Variants in SPRR2B observed in about 807,000 individuals in gnomAD.
The protein encoded by SPRR2B is small proline rich protein 2B, also known as small proline-rich protein 2B.
Under a neutral mutation model 1.0 loss-of-function variants are expected in SPRR2B, and 1 was observed. That is an observed-to-expected ratio of 1.01 (90% CI 0.36 to 4.77). The LOEUF is 4.77. Among genes scored for constraint, SPRR2B ranks in the 30% most tolerant of loss-of-function variants. The probability of loss-of-function intolerance (pLI) is 0.16; values close to 1 mark genes in which losing one functional copy is unlikely to be tolerated. For missense variants in SPRR2B, 53 were observed against 88.7 expected (o/e 0.60, Z 1.62); for synonymous variants, 27 against 33.4 (o/e 0.81, Z 0.66).
the SPRR2B span, among the ~76,000 whole-genome samples, chr1:153,082,048 A>G: frequency 1.3e-4 from 20 of 152,110 alleles, no homozygotes; most frequent in Non-Finnish European, 2.6e-4. Flanking sequence ...CAGGCTGGAT[A>G]TGAGTCAACT....
the SPRR2B span, among the ~76,000 whole-genome samples, chr1:153,083,042 T>A: frequency 6.6e-6 from 1 of 152,102 alleles, no homozygotes; most frequent in Non-Finnish European, 1.5e-5. Context: ...TTTACAGAAA[T>A]AAAAAAATTT....
chr1:153,075,067 C>T (rs534304500), upstream of SPRR2B, among the ~76,000 whole-genome samples: 104 of 152,256 alleles, frequency 6.8e-4, no homozygotes, highest in Non-Finnish European at 1.1e-3. Context: ...TTCACCAGGC[C>T]GGGAACGGTG....
the SPRR2B span, among the ~76,000 whole-genome samples, chr1:153,087,188 G>A: frequency 1.3e-5 from 2 of 152,188 alleles, no homozygotes; most frequent in South Asian, 4.1e-4. Context: ...GCTAAGGCAG[G>A]AGAATTGCTT....
chr1:153,078,396 G>T, the SPRR2B span, among the ~76,000 whole-genome samples: 2 of 152,140 alleles, frequency 1.3e-5, no homozygotes, highest in Non-Finnish European at 2.9e-5. Flanking sequence ...AAGTTTTAGG[G>T]TACATGTGCA....
chr1:153,085,285 A>G, the SPRR2B span, among the ~76,000 whole-genome samples: 1 of 152,188 alleles, frequency 6.6e-6, no homozygotes, highest in African/African-American at 2.4e-5. Context: ...TCACAATAAA[A>G]CAACACAGGA....
the SPRR2B span, among the ~76,000 whole-genome samples, chr1:153,078,354 G>A: frequency 6.9e-6 from 1 of 145,258 alleles, no homozygotes; most frequent in African/African-American, 2.5e-5. Flanking sequence ...TTTCTTTTAA[G>A]GAGCTTACTT....
At chr1:153,080,990 A>G in the SPRR2B span, among the ~76,000 whole-genome samples, 48 of 152,356 alleles carry the variant, frequency 3.2e-4, no homozygotes, top group African/African-American at 1.0e-3. Flanking sequence ...TCACAAAGAC[A>G]TGGTTGAATT....
At chr1:153,076,598 G>A (rs541293709), upstream of SPRR2B, among the ~76,000 whole-genome samples, 1 of 152,198 alleles carries the variant, frequency 6.6e-6, no homozygotes, top group African/African-American at 2.4e-5. Flanking sequence ...TTTGAGAAAG[G>A]TTAAATAAAG....
At chr1:153,080,726 AACTC>A in the SPRR2B span, among the ~76,000 whole-genome samples, 3 of 152,216 alleles carry the variant, frequency 2.0e-5, no homozygotes, top group African/African-American at 7.2e-5. Context: ...AATACAAACT[AACTC>A]ACAATCTTAA....
chr1:153,086,424 A>C, the SPRR2B span, among the ~76,000 whole-genome samples: 1 of 152,226 alleles, frequency 6.6e-6, no homozygotes, highest in African/African-American at 2.4e-5. Flanking sequence ...GTCCAAAAAA[A>C]GACCAAAAAC....
At chr1:153,071,435 T>A (rs1049335229) in intron 1 of SPRR2B, among the ~76,000 whole-genome samples, 134 bp downstream of exon 1, 13 of 152,322 alleles carry the variant, frequency 8.5e-5, no homozygotes, top group African/African-American at 3.1e-4. Flanking sequence ...TATCACATAG[T>A]CTAATCCTGT....
upstream of SPRR2B, among the ~76,000 whole-genome samples, chr1:153,072,348 C>T (rs1364088848): frequency 6.6e-6 from 1 of 152,210 alleles, no homozygotes; most frequent in African/African-American, 2.4e-5. Context: ...ATGTGTACTA[C>T]AGCCTTTTTA....
chr1:153,070,923 A>G lies in SPRR2B; in HGVS notation c.-19-65T>C, dbSNP rs431170. ...CCTCCAGAGAGAGAAGCCAAAGCTTATGTAATACCATGGCATATTATTTCT... is the reference window on the plus strand; with the variant it reads ...CCTCCAGAGAGAGAAGCCAAAGCTTGTGTAATACCATGGCATATTATTTCT... On this transcript the variant is annotated intron_variant, in intron 1 of 1. Transcript: ENST00000368755. 2.2e-3 allele frequency: 2,732 copies of G among 1,242,936 alleles called. 421 individuals carry two copies. In the South Asian group the frequency reaches 0.033, roughly 15 times the overall value. 77.0% of individuals were successfully genotyped at this position (1,242,936 alleles called of 1,614,324 possible).
At chr1:153,077,336 G>A in the SPRR2B span, among the ~76,000 whole-genome samples, 1 of 152,144 alleles carries the variant, frequency 6.6e-6, no homozygotes, top group African/African-American at 2.4e-5. Context: ...TTTTGTGTAT[G>A]AGAAATGATA....
At chr1:153,083,650 G>A in the SPRR2B span, among the ~76,000 whole-genome samples, 1 of 152,166 alleles carries the variant, frequency 6.6e-6, no homozygotes, top group African/African-American at 2.4e-5. Context: ...ACCAGAACTC[G>A]TTCCTGGCCT....
chr1:153,080,662 C>A, the SPRR2B span, among the ~76,000 whole-genome samples: 17 of 152,196 alleles, frequency 1.1e-4, no homozygotes, highest in African/African-American at 2.6e-4. Flanking sequence ...GAGAGTCCTG[C>A]AAATTCTACT....
chr1:153,080,519 T>A, the SPRR2B span, among the ~76,000 whole-genome samples: 16 of 152,066 alleles, frequency 1.1e-4, no homozygotes, highest in African/African-American at 3.9e-4. Context: ...TATAATCAAA[T>A]TAAAATGGGA....
the SPRR2B span, among the ~76,000 whole-genome samples, chr1:153,085,820 T>G: frequency 2.8e-4 from 42 of 152,218 alleles, no homozygotes; most frequent in African/African-American, 7.5e-4. Context: ...CCATTTAGAC[T>G]AAAAACAGAC....
chr1:153,076,948 C>G, the SPRR2B span, among the ~76,000 whole-genome samples: 878 of 152,294 alleles, frequency 5.8e-3, 8 homozygotes, highest in African/African-American at 0.02. Flanking sequence ...AAATGTCAGT[C>G]TTAAAGGCTG....
Sources: gnomAD v4.1 joint callset for allele counts (sites outside exome capture counted in the v4.1 genomes callset) on GRCh38, gnomAD v4.1.1 for gene constraint, MANE v1.5 for transcripts, NCBI Gene and HGNC (gene_info 2026-07-23, HGNC 2026-07-21) for gene names.